The following ADAMTS6 variants were observed in gnomAD, a reference collection of about 807,000 sequenced individuals.
The protein encoded by ADAMTS6 is ADAM metallopeptidase with thrombospondin type 1 motif 6.
Under a neutral mutation model 144.3 loss-of-function variants are expected in ADAMTS6, and 23 were observed. The ratio of observed to expected loss-of-function variants is 0.16; its 90% confidence interval spans 0.11 to 0.23. ADAMTS6 has a LOEUF of 0.23. Among genes scored for constraint, ADAMTS6 ranks in the 10% least tolerant of loss-of-function variants. The pLI is 1.00. For synonymous variants in ADAMTS6, 444 were observed against 457.5 expected, an observed-to-expected ratio of 0.97 and a Z score of 0.38; for missense variants, 999 against 1,379.6, an observed-to-expected ratio of 0.72 and a Z score of 4.37.
At chr5:65,466,023 TACA>T (rs1158243467) in intron 3 of ADAMTS6, among the ~76,000 whole-genome samples, 3 of 152,238 alleles carry the variant, frequency 2.0e-5, no homozygotes, top group Non-Finnish European at 4.4e-5. Context: ...CAATATCCTA[TACA>T]ACATCTCACG....
intron 7 of ADAMTS6, among the ~76,000 whole-genome samples, chr5:65,371,120 A>G (rs1750856335): frequency 6.6e-6 from 1 of 152,228 alleles, no homozygotes. Flanking sequence ...ACCAATCTGT[A>G]CAACACCATC....
At chr5:65,401,168 T>C (rs1246591190) in intron 7 of ADAMTS6, among the ~76,000 whole-genome samples, 1 of 152,172 alleles carries the variant, frequency 6.6e-6, no homozygotes, top group Non-Finnish European at 1.5e-5. Flanking sequence ...TTTAGTAATG[T>C]GGTGATAAGG....
intron 12 of ADAMTS6, among the ~76,000 whole-genome samples, chr5:65,266,387 C>A (rs1313498030): frequency 6.6e-6 from 1 of 151,828 alleles, no homozygotes; most frequent in African/African-American, 2.4e-5. Context: ...GGAGCTATAT[C>A]ATAATAGGTA....
intron 22 of ADAMTS6, among the ~76,000 whole-genome samples, chr5:65,185,718 A>G (rs974010219): frequency 1.3e-5 from 2 of 152,242 alleles, no homozygotes; most frequent in African/African-American, 4.8e-5. Flanking sequence ...AAGACTGGAT[A>G]GATAAGAATC....
chr5:65,352,278 C>T (rs556750461), intron 7 of ADAMTS6, among the ~76,000 whole-genome samples: 3 of 151,186 alleles, frequency 2.0e-5, no homozygotes, highest in Admixed American at 6.6e-5. Context: ...GCATAGAGTC[C>T]GTTCTTTAAA....
chr5:65,355,431 A>G (rs1309681491), intron 7 of ADAMTS6, among the ~76,000 whole-genome samples: 1 of 151,870 alleles, frequency 6.6e-6, no homozygotes, highest in Non-Finnish European at 1.5e-5. Flanking sequence ...TCACAAAAAA[A>G]TCATTAGGGC....
intron 9 of ADAMTS6, among the ~76,000 whole-genome samples, chr5:65,315,328 A>G (rs780262432): frequency 6.6e-5 from 10 of 151,992 alleles, no homozygotes; most frequent in African/African-American, 9.7e-5. Context: ...CAAACTCAAG[A>G]GCAGCAACTA....
chr5:65,157,028 G>A (rs766584711), intron 24 of ADAMTS6, among the ~76,000 whole-genome samples: 8 of 152,214 alleles, frequency 5.3e-5, no homozygotes, highest in Non-Finnish European at 8.8e-5. Context: ...ACTTTACGGA[G>A]AATTCCCAAA....
At position 65,214,995 on chromosome 5, in the gene ADAMTS6, T is replaced by C; in HGVS notation, c.2437-63A>G. ...CAATGAGCCTTCATTCAGATATTTA[T>C]TATTCCTTTTGAAGAAGAAAATGTC... On this transcript the variant is annotated intron_variant, in intron 19 of 24. Coordinates refer to ENST00000381055, the MANE Select transcript of ADAMTS6 (RefSeq NM_197941.4). This position sits in a 1 kb window ranked among gnomAD's most constrained non-coding sequence, Gnocchi z 4.6. 2.0e-6 allele frequency: 3 copies of C among 1,532,238 alleles called. No individual in the cohort carries two copies. In the South Asian group the frequency reaches 3.8e-5, roughly 20 times the overall value. The allele number at this position is 1,532,238 out of a possible 1,614,324, so 94.9% of individuals were successfully genotyped here.
At chr5:65,398,805 AAAGAAAGAAAGAAAGAAAGAAAG>A (rs1273898932) in intron 7 of ADAMTS6, among the ~76,000 whole-genome samples, 180 of 114,768 alleles carry the variant, frequency 1.6e-3, no homozygotes, top group African/African-American at 5.1e-3. Context: ...AGAAAGAAAG[AAAGAAAGAAAGAAAGAAAGAAAG>A]AAAGAAAGAA....
chr5:65,165,981 C>A (rs1753120625), intron 24 of ADAMTS6, among the ~76,000 whole-genome samples: 2 of 150,626 alleles, frequency 1.3e-5, no homozygotes, highest in Non-Finnish European at 1.5e-5. Context: ...AACTAATGAA[C>A]AAAATAACCA....
chr5:65,470,680 A>ATT, intron 3 of ADAMTS6, 98 bp downstream of exon 3: 1 of 836,850 alleles, frequency 1.2e-6, no homozygotes, highest in Non-Finnish European at 1.6e-6. Flanking sequence ...TAAACTACCT[A>ATT]TATATATATA....
At chr5:65,474,493 T>C (rs1760700610) in intron 1 of ADAMTS6, among the ~76,000 whole-genome samples, 1 of 152,112 alleles carries the variant, frequency 6.6e-6, no homozygotes, top group South Asian at 2.1e-4. Flanking sequence ...AGTTGAACTG[T>C]ATGTACTATA....
In ADAMTS6 at chr5:65,172,825, G is replaced by A. The variant is rs767696600; in HGVS notation, c.3087+7C>T. 62 of 1,613,052 alleles carry A rather than the reference G, an allele frequency of 3.8e-5. No homozygotes were observed. The highest frequency in any genetic ancestry group is 6.7e-5 in the East Asian group (3 of 44,892). ...TTCAGCAGGAGCCCACAGTACAAAC[G>A]CCTTACCTGGCCCCAGTCTCCTGTG... On this transcript the variant is annotated splice_region_variant and intron_variant, in intron 23 of 24. Transcript: ENST00000381055.
chr5:65,298,527 C>T (rs941727885), intron 10 of ADAMTS6, among the ~76,000 whole-genome samples: 1 of 152,004 alleles, frequency 6.6e-6, no homozygotes, highest in Non-Finnish European at 1.5e-5. Flanking sequence ...TCATTAAAAC[C>T]ATCTTAGAAA....
chr5:65,455,284 C>A (rs952034136), intron 4 of ADAMTS6, among the ~76,000 whole-genome samples: 1 of 152,134 alleles, frequency 6.6e-6, no homozygotes, highest in Non-Finnish European at 1.5e-5. Context: ...GGCTCACGCC[C>A]GTAATCCCAA....
At position 65,214,403 on chromosome 5, in the gene ADAMTS6, C is replaced by T. The variant is rs546314833; in HGVS notation, c.2575+391G>A. Reference sequence around the variant, plus strand: ...ACAAACACACACAACAAGCACACAGCCGTACATTCTCATCTCCCATTACAA... The same window carrying T: ...ACAAACACACACAACAAGCACACAGTCGTACATTCTCATCTCCCATTACAA... On this transcript the variant is annotated intron_variant, in intron 20 of 24. Transcript: ENST00000381055. The surrounding 1 kb of genome is among the most constrained non-coding windows in gnomAD (Gnocchi z 4.6). The T allele has an allele frequency of 4.0e-5, 14 of 348,322 alleles. No individual in the cohort carries two copies. Among genetic ancestry groups the T allele is most frequent in the African/African-American group, 2.8e-4 (13 of 46,850 alleles). 21.6% of individuals were successfully genotyped at this position (348,322 alleles called of 1,614,324 possible). A position where few individuals can be genotyped will look rare whatever the true frequency, so the allele number is the denominator to read the frequency against.
chr5:65,152,096 G>T, intron 24 of ADAMTS6, 151 bp from the exon 25 acceptor site: 1 of 569,392 alleles, frequency 1.8e-6, no homozygotes, highest in Non-Finnish European at 3.2e-6. Flanking sequence ...TTGTTTTTAA[G>T]CATACCCTGC....
At chr5:65,201,342 T>C (rs1755727600) in intron 20 of ADAMTS6, among the ~76,000 whole-genome samples, 1 of 152,214 alleles carries the variant, frequency 6.6e-6, no homozygotes, top group Non-Finnish European at 1.5e-5. Context: ...CTTTCTCTTC[T>C]TTCAGAGAAT....
Sources: allele counts gnomAD v4.1 joint callset (sites outside exome capture counted in the v4.1 genomes callset), GRCh38; gene constraint gnomAD v4.1.1; non-coding constraint Gnocchi (gnomAD v3.1); transcripts MANE v1.5; gene names NCBI Gene and HGNC (gene_info 2026-07-23, HGNC 2026-07-21).